The following HGD variants were observed in gnomAD, a reference collection of about 807,000 sequenced individuals.
HGD encodes homogentisate 1,2-dioxygenase.
HGD carries 61 observed loss-of-function variants against 60.8 expected under a neutral mutation model. The observed-to-expected ratio is 1.00, with a 90% CI of 0.82 to 1.24. The LOEUF is 1.24. Ranked by LOEUF, HGD falls within the 50% of genes most tolerant of loss-of-function variation. The pLI, the probability that HGD is intolerant of heterozygous loss-of-function variation, is 0.00. For missense variants in HGD, 542 were observed against 547.1 expected, an observed-to-expected ratio of 0.99 and a Z score of 0.09; for synonymous variants, 212 against 187.7, an observed-to-expected ratio of 1.13 and a Z score of -1.06.
At chr3:120,676,713 C>G (rs1708138040) in intron 1 of HGD, among the ~76,000 whole-genome samples, 2 of 152,178 alleles carry the variant, frequency 1.3e-5, no homozygotes, top group African/African-American at 4.8e-5. Flanking sequence ...CCTTTTTGCT[C>G]TAACTTAAAT....
rs887099906 is a variant in HGD at position 120,632,031 on chromosome 3, G to A, written c.1188+1116C>T. Among the ~76,000 whole-genome samples the A allele has an allele frequency of 4.6e-5, 7 of 152,284 alleles. No homozygotes were observed. In the East Asian group the frequency reaches 9.6e-4, roughly 21 times the overall value. On this transcript the variant is annotated intron_variant, in intron 13 of 13. Transcript: ENST00000283871. ...CCTCCAGGAGACTTCAGAGGTAATAGCTTAACTGAGACTGCCAGACTGCAT... is the reference window on the plus strand; with the variant it reads ...CCTCCAGGAGACTTCAGAGGTAATAACTTAACTGAGACTGCCAGACTGCAT...
At chr3:120,647,828 G>C in intron 7 of HGD, 49 bp downstream of exon 7, 1 of 1,396,960 alleles carries the variant, frequency 7.2e-7, no homozygotes, top group South Asian at 1.2e-5. Flanking sequence ...AGCAGCTTGC[G>C]GTTAGGGGTC....
intron 13 of HGD, among the ~76,000 whole-genome samples, chr3:120,632,352 A>T (rs530555046): frequency 3.9e-5 from 6 of 152,344 alleles, no homozygotes; most frequent in Admixed American, 3.3e-4. Flanking sequence ...GATTTAGCAT[A>T]AAATTACTCC....
At chr3:120,660,282 T>G (rs139647224) in intron 4 of HGD, among the ~76,000 whole-genome samples, 1 of 152,180 alleles carries the variant, frequency 6.6e-6, no homozygotes. Flanking sequence ...AATGTATAAA[T>G]AGTTGTTAGC....
intron 13 of HGD, among the ~76,000 whole-genome samples, chr3:120,630,797 T>TG (rs1940559726): frequency 2.5e-5 from 1 of 39,594 alleles, no homozygotes; most frequent in African/African-American, 1.2e-4. Flanking sequence ...ACTTAAGAGC[T>TG]TTATATATAT....
intron 5 of HGD, among the ~76,000 whole-genome samples, 181 bp from the exon 6 acceptor site, chr3:120,651,046 A>C (rs775750596): frequency 1.8e-4 from 28 of 152,200 alleles, no homozygotes; most frequent in Non-Finnish European, 3.5e-4. Flanking sequence ...CATGTTTGGT[A>C]GTTTGTGGTT....
Position 120,641,571 on chromosome 3 carries a change from T to A in HGD, c.879+18A>T. The A allele has an allele frequency of 6.4e-7, 1 of 1,553,498 alleles. No individual in the cohort carries two copies. On this transcript the variant is annotated intron_variant, in intron 11 of 13. Transcript: ENST00000283871. ...AAGCGTTGCCTCATCCCAAGGCCCC[T>A]ACAGGGTTCAGACTTACTGCATGGT...
chr3:120,641,026 C>T (rs1350813672), intron 11 of HGD, among the ~76,000 whole-genome samples: 1 of 152,098 alleles, frequency 6.6e-6, no homozygotes, highest in Non-Finnish European at 1.5e-5. Context: ...CCATTTGTGG[C>T]CTGCGAACTG....
intron 4 of HGD, among the ~76,000 whole-genome samples, chr3:120,667,444 T>C (rs145505086): frequency 3.6e-4 from 54 of 152,000 alleles, no homozygotes; most frequent in African/African-American, 1.1e-3. Context: ...GGTGTATTCA[T>C]GTTAAATAAA....
intron 13 of HGD, among the ~76,000 whole-genome samples, chr3:120,632,554 G>C (rs1318049204): frequency 6.6e-6 from 1 of 152,198 alleles, no homozygotes; most frequent in Admixed American, 6.5e-5. Context: ...GCTGAGAATT[G>C]CTTCTCACAA....
intron 10 of HGD, 200 bp from the exon 11 acceptor site, chr3:120,641,893 A>G (rs867823625): frequency 5.1e-6 from 3 of 588,288 alleles, no homozygotes; most frequent in African/African-American, 3.7e-5. Flanking sequence ...CACTAACCCT[A>G]TTTTTCTGGT....
intron 4 of HGD, among the ~76,000 whole-genome samples, chr3:120,658,115 CA>C (rs1203165765): frequency 6.6e-6 from 1 of 152,178 alleles, no homozygotes; most frequent in Non-Finnish European, 1.5e-5. Flanking sequence ...GTCCTTCTCA[CA>C]TGTCAAAATA....
chr3:120,657,787 G>A (rs1408535411), intron 4 of HGD, among the ~76,000 whole-genome samples: 1 of 151,964 alleles, frequency 6.6e-6, no homozygotes, highest in Non-Finnish European at 1.5e-5. Context: ...TGAAGCAGGA[G>A]AAGGCATGGC....
At chr3:120,667,326 CAAAAAA>C (rs71133514) in intron 4 of HGD, among the ~76,000 whole-genome samples, 1 of 60,046 alleles carries the variant, frequency 1.7e-5, no homozygotes, top group Non-Finnish European at 2.9e-5. Context: ...ACTCTTGTCT[CAAAAAA>C]AAAAAAAAAA....
intron 1 of HGD, among the ~76,000 whole-genome samples, chr3:120,681,164 G>A (rs1180589068): frequency 6.6e-6 from 1 of 152,204 alleles, no homozygotes; most frequent in Non-Finnish European, 1.5e-5. Flanking sequence ...CTCAGCATCA[G>A]TTAGAGGGCA....
At chr3:120,633,628 T>G in intron 12 of HGD, 1 of 1,330,750 alleles carries the variant, frequency 7.5e-7, no homozygotes, top group Non-Finnish European at 9.9e-7. Flanking sequence ...TAATAATAAT[T>G]AAAATGCTAG....
chr3:120,639,774 T>C (rs960007639), intron 11 of HGD, among the ~76,000 whole-genome samples: 1 of 152,186 alleles, frequency 6.6e-6, no homozygotes, highest in African/African-American at 2.4e-5. Context: ...CCTACCTTTG[T>C]TTGACTTTCA....
chr3:120,650,637 C>T, intron 6 of HGD, 137 bp downstream of exon 6: 1 of 738,044 alleles, frequency 1.4e-6, no homozygotes. Context: ...ATGAATATTG[C>T]CTTGAGGAGA....
rs1707934684 is a variant in HGD, at chr3:120,667,853, A to G, written c.282+2574T>C. On this transcript the variant is annotated intron_variant, in intron 4 of 13. Coordinates refer to ENST00000283871, the MANE Select transcript of HGD (RefSeq NM_000187.4). Reference sequence around the variant, plus strand: ...CCAAATCTGCCCATGGACTTTTCTTATAATCCCTCATTTAGTTAACTTCAT... The same window carrying G: ...CCAAATCTGCCCATGGACTTTTCTTGTAATCCCTCATTTAGTTAACTTCAT... Among the ~76,000 whole-genome samples the G allele has an allele frequency of 3.3e-5, 5 of 152,350 alleles. No homozygotes were observed. The South Asian group carries it at 1.0e-3, about 32-fold the overall frequency.
Sources: allele counts gnomAD v4.1 joint callset (sites outside exome capture counted in the v4.1 genomes callset), GRCh38; gene constraint gnomAD v4.1.1; transcripts MANE v1.5; gene names NCBI Gene and HGNC (gene_info 2026-07-23, HGNC 2026-07-21).